INPP5B: variants seen among roughly 807,000 people sequenced by gnomAD.
INPP5B encodes the protein inositol polyphosphate-5-phosphatase B.
Under a neutral mutation model 118.5 loss-of-function variants are expected in INPP5B, and 90 were observed. The observed-to-expected ratio is 0.76, with a 90% confidence interval of 0.64 to 0.90. The LOEUF (loss-of-function observed/expected upper bound fraction) is 0.90, where lower values mean the gene tolerates loss of function less well. INPP5B is among the 40% of genes least tolerant of loss of function. The pLI, the probability that INPP5B is intolerant of heterozygous loss-of-function variation, is 0.00. For missense variants in INPP5B, 984 were observed against 1,125.6 expected (o/e 0.87, Z 1.80); for synonymous variants, 385 against 418.9 (o/e 0.92, Z 0.99).
rs560683854 is a variant in INPP5B, at chr1:37,907,078, G to A, written c.533-15624C>T. ...TCTGGGCATATATTGGAATCAGCTA[G>A]CAATCCCATATCAGCTTGGTTCCAA... On this transcript the variant is annotated intron_variant, in intron 7 of 23. Coordinates refer to ENST00000373024, the MANE Select transcript of INPP5B (RefSeq NM_005540.3). This position sits in a 1 kb window ranked among gnomAD's most constrained non-coding sequence, Gnocchi z 4.3. Among the ~76,000 whole-genome samples the A allele has an allele frequency of 6.6e-6, 1 of 152,244 alleles. No individual in the cohort carries two copies. Among genetic ancestry groups the A allele is most frequent in the South Asian group, 2.1e-4 (1 of 4,820 alleles).
chr1:37,874,076 A>G lies in INPP5B; in HGVS notation c.1868T>C (p.Phe623Ser). 2 of 1,608,448 alleles carry G rather than the reference A, an allele frequency of 1.2e-6. No individual in the cohort carries two copies. Among genetic ancestry groups the G allele is most frequent in the Non-Finnish European group, 1.7e-6 (2 of 1,175,650 alleles). Reference protein sequence around the residue: ...TIHNGQVPCHFEFINKPDEES... With the variant: ...TIHNGQVPCHSEFINKPDEES... ...TTCATCAGGCTTGTTGATGAATTCA[A>G]AATGACAGGGTACTTGTCCATTATG... The change falls in exon 18 of 24, where the codon TTT becomes TCT. Residue 623 changes from phenylalanine to serine, a missense_variant. Physicochemically the swap from Phe to Ser is radical, Grantham distance 155. Coordinates refer to ENST00000373024, the MANE Select transcript of INPP5B (RefSeq NM_005540.3).
At chr1:37,866,404 T>TCA (rs1491111834) in intron 21 of INPP5B, 55 bp downstream of exon 21, 41 of 367,340 alleles carry the variant, frequency 1.1e-4, no homozygotes, top group African/African-American at 9.8e-4. Flanking sequence ...TCTCTCTCTC[T>TCA]CTCACACACA....
At chr1:37,902,028 C>G (rs1418750625) in intron 7 of INPP5B, among the ~76,000 whole-genome samples, 61 of 151,966 alleles carry the variant, frequency 4.0e-4, no homozygotes, top group Admixed American at 1.1e-3. Context: ...ACTCTGTTGC[C>G]CAGGTTGGAG....
intron 7 of INPP5B, among the ~76,000 whole-genome samples, chr1:37,896,697 G>A (rs1570165647): frequency 1.5e-5 from 2 of 132,912 alleles, no homozygotes; most frequent in South Asian, 2.5e-4. Flanking sequence ...CCCTCTGCCC[G>A]GCCAGCCGCC....
In INPP5B at chr1:37,931,962, A is replaced by G; in HGVS notation, c.483T>C (p.Gly161=). The G allele has an allele frequency of 6.2e-7, 1 of 1,614,010 alleles. No individual in the cohort carries two copies. The highest frequency in any genetic ancestry group is 8.5e-7 in the Non-Finnish European group (1 of 1,179,994). ...GCCAGGTAACTAGGGCCGAGTTACA[A>G]CCGCGCGGCGTTGGCATCTCCAGCT... is the stretch of plus-strand genomic sequence containing the variant. ...ELELEMPTPR[G]CNSALVTWPG... Residue 161 remains glycine (G), a synonymous_variant, in exon 7 of 24, where the codon GGT becomes GGC. Coordinates refer to ENST00000373024, the MANE Select transcript of INPP5B (RefSeq NM_005540.3).
At chr1:37,938,283 A>AAAT (rs1645777803) in intron 6 of INPP5B, among the ~76,000 whole-genome samples, 1 of 145,106 alleles carries the variant, frequency 6.9e-6, no homozygotes. Flanking sequence ...ATAAATAAAT[A>AAAT]AATAAATAAA....
chr1:37,931,359 A>C (rs906280183), intron 7 of INPP5B: 1 of 1,246,464 alleles, frequency 8.0e-7, no homozygotes, highest in African/African-American at 1.5e-5. Flanking sequence ...GCAAGCTCAG[A>C]TGGAGCAACA....
chr1:37,920,832 C>G (rs551057730), intron 7 of INPP5B, among the ~76,000 whole-genome samples: 5 of 150,520 alleles, frequency 3.3e-5, no homozygotes, highest in African/African-American at 9.8e-5. Context: ...CTCGGCCAGG[C>G]GCGGTGGCTC....
At chr1:37,869,929 G>A (rs549918896) in intron 19 of INPP5B, 1 of 152,002 alleles carries the variant, frequency 6.6e-6, no homozygotes, top group East Asian at 1.9e-4. Context: ...TATTACCATA[G>A]GTCTGCTCCA....
chr1:37,876,582 G>T (rs1445362314), intron 16 of INPP5B, among the ~76,000 whole-genome samples: 1 of 104,186 alleles, frequency 9.6e-6, no homozygotes. Context: ...AAAAAAAAAA[G>T]GGCCCGGTGG....
At chr1:37,930,382 T>C (rs1645406265) in intron 7 of INPP5B, 1 of 152,250 alleles carries the variant, frequency 6.6e-6, no homozygotes, top group Admixed American at 6.5e-5. Flanking sequence ...CTGGCCTGAC[T>C]TGTCATAGAA....
chr1:37,926,416 C>T (rs1004100697), intron 7 of INPP5B, among the ~76,000 whole-genome samples: 6 of 152,082 alleles, frequency 3.9e-5, no homozygotes, highest in Non-Finnish European at 8.8e-5. Flanking sequence ...TCTCAAGTAG[C>T]TGGGATACAG....
chr1:37,882,055 C>T, intron 14 of INPP5B, among the ~76,000 whole-genome samples: 1 of 148,666 alleles, frequency 6.7e-6, no homozygotes, highest in Non-Finnish European at 1.5e-5. Flanking sequence ...GCTGAGGTCA[C>T]AACACTGCAC....
chr1:37,918,552 A>T (rs1644949706), intron 7 of INPP5B, among the ~76,000 whole-genome samples: 1 of 152,126 alleles, frequency 6.6e-6, no homozygotes, highest in African/African-American at 2.4e-5. Context: ...CTGAATTTTG[A>T]GTGTCTTCCT....
intron 7 of INPP5B, among the ~76,000 whole-genome samples, chr1:37,927,148 G>A (rs1645259877): frequency 6.6e-6 from 1 of 152,104 alleles, no homozygotes; most frequent in South Asian, 2.1e-4. Flanking sequence ...TTAGCTGGGT[G>A]TGGTGGCGTG....
chr1:37,917,308 T>TTATATATATATATATATATAGATA (rs1644904162), intron 7 of INPP5B, among the ~76,000 whole-genome samples: 1 of 92,796 alleles, frequency 1.1e-5, no homozygotes, highest in Non-Finnish European at 2.0e-5. Context: ...AAAAAAATAA[T>TTATATATATATATATATATAGATA]TATATATATA....
chr1:37,937,438 C>A (rs576534982), intron 6 of INPP5B, among the ~76,000 whole-genome samples: 2 of 152,224 alleles, frequency 1.3e-5, no homozygotes, highest in South Asian at 2.1e-4. Context: ...TCAAGACTAG[C>A]CTGGCCAACG....
chr1:37,894,608 C>T (rs1643954645), intron 7 of INPP5B, among the ~76,000 whole-genome samples: 1 of 148,542 alleles, frequency 6.7e-6, no homozygotes, highest in Non-Finnish European at 1.5e-5. Context: ...GTTGCCCAGG[C>T]TGGAGTGCAG....
At chr1:37,946,770 T>G (rs1293097739) in intron 1 of INPP5B, among the ~76,000 whole-genome samples, 1 of 152,114 alleles carries the variant, frequency 6.6e-6, no homozygotes, top group African/African-American at 2.4e-5. Context: ...GAACATCCCC[T>G]TACTGTCATT....
Sources: allele counts gnomAD v4.1 joint callset (sites outside exome capture counted in the v4.1 genomes callset), GRCh38; gene constraint gnomAD v4.1.1; non-coding constraint Gnocchi (gnomAD v3.1); transcripts MANE v1.5; gene names NCBI Gene and HGNC (gene_info 2026-07-23, HGNC 2026-07-21).